Variants in NCAM2 observed in about 807,000 individuals in gnomAD.
NCAM2 encodes the protein N-CAM-2.
Under a neutral mutation model 98.1 loss-of-function variants are expected in NCAM2, and 30 were observed. That is an observed-to-expected ratio of 0.31 (90% CI 0.23 to 0.41). The LOEUF is 0.41. Among genes scored for constraint, NCAM2 ranks in the 10% least tolerant of loss-of-function variants. NCAM2 has a pLI of 1.00. For synonymous variants in NCAM2, 368 were observed against 342.4 expected (o/e 1.07, Z -0.83); for missense variants, 867 against 1,005.8 (o/e 0.86, Z 1.87).
At chr21:21,119,892 ACT>A in intron 1 of NCAM2, among the ~76,000 whole-genome samples, 1 of 152,078 alleles carries the variant, frequency 6.6e-6, no homozygotes, top group East Asian at 1.9e-4. Context: ...GTTTAAATAA[ACT>A]CTATTGTTTG....
rs575912836 is a variant in NCAM2, at chr21:21,185,562, A to G, written c.56-95016A>G. Among the ~76,000 whole-genome samples the G allele has an allele frequency of 4.1e-4, 62 of 152,304 alleles. No homozygotes were observed. In the South Asian group the frequency reaches 0.013, roughly 32 times the overall value. The stretch of plus-strand genomic sequence containing the variant: ...ATTTATTATTTGCTTTTCACTTTCA[A>G]AGTCAGCCATACGATCACTTTGAGA... On this transcript the variant is annotated intron_variant, in intron 1 of 17. Transcript: ENST00000400546.
chr21:21,285,707 G>A (rs1205639146), intron 3 of NCAM2, among the ~76,000 whole-genome samples: 3 of 151,774 alleles, frequency 2.0e-5, no homozygotes, highest in Non-Finnish European at 4.4e-5. Context: ...ACACTTATTA[G>A]GTGTGTATCC....
chr21:21,235,140 TA>T (rs1026576879), intron 1 of NCAM2, among the ~76,000 whole-genome samples: 1 of 151,992 alleles, frequency 6.6e-6, no homozygotes, highest in South Asian at 2.1e-4. Context: ...GTTAAAACAT[TA>T]AAAAAAGTGG....
chr21:21,441,728 C>T (rs1405174076), intron 12 of NCAM2, among the ~76,000 whole-genome samples: 2 of 151,276 alleles, frequency 1.3e-5, no homozygotes, highest in East Asian at 2.0e-4. Context: ...GAAAGATGAA[C>T]GTGGTATCCT....
chr21:21,501,890 T>C (rs1987659870), intron 15 of NCAM2, among the ~76,000 whole-genome samples: 1 of 151,938 alleles, frequency 6.6e-6, no homozygotes, highest in South Asian at 2.1e-4. Flanking sequence ...GCCATTCAAA[T>C]CCAAATCAGC....
intron 1 of NCAM2, among the ~76,000 whole-genome samples, chr21:21,082,531 T>C (rs1352029503): frequency 1.3e-5 from 2 of 152,198 alleles, no homozygotes; most frequent in Non-Finnish European, 2.9e-5. Flanking sequence ...TAAAGTCTTC[T>C]GTAAAAGTTA....
At chr21:21,170,101 C>A (rs1187197824) in intron 1 of NCAM2, among the ~76,000 whole-genome samples, 1 of 152,150 alleles carries the variant, frequency 6.6e-6, no homozygotes, top group Non-Finnish European at 1.5e-5. Flanking sequence ...CACTTGACAA[C>A]AAAAAGTGCT....
rs1020296473 is a variant in NCAM2, at chr21:21,537,990, G to A, written c.*33G>A. On this transcript the variant is annotated 3_prime_UTR_variant, in exon 18 of 18. Transcript: ENST00000400546. Reference sequence around the variant, plus strand: ...ATTACAGGGGCTTGAACAACACTACGAAGAGTATTTGGATTGCGTGACCCT... The same window carrying A: ...ATTACAGGGGCTTGAACAACACTACAAAGAGTATTTGGATTGCGTGACCCT... 6 of 1,286,860 alleles carry A rather than the reference G, an allele frequency of 4.7e-6. No individual in the cohort carries two copies. Among genetic ancestry groups the A allele is most frequent in the African/African-American group, 1.5e-5 (1 of 64,964 alleles). 79.7% of individuals were successfully genotyped at this position (1,286,860 alleles called of 1,614,324 possible). A position where few individuals can be genotyped will look rare whatever the true frequency, so the allele number is the denominator to read the frequency against.
At chr21:21,534,758 AAG>A (rs2146429519) in intron 17 of NCAM2, 102 bp downstream of exon 17, 2 of 1,115,772 alleles carry the variant, frequency 1.8e-6, no homozygotes, top group Non-Finnish European at 1.2e-6. Context: ...TTATTTGTAA[AAG>A]AATTGTGCTT....
chr21:21,029,928 C>T (rs781750921), intron 1 of NCAM2, among the ~76,000 whole-genome samples: 8 of 152,132 alleles, frequency 5.3e-5, no homozygotes, highest in Non-Finnish European at 1.0e-4. Flanking sequence ...CACAGCCAGC[C>T]ACAGTTATTG....
chr21:21,087,874 T>C (rs1440860982), intron 1 of NCAM2, among the ~76,000 whole-genome samples: 1 of 152,156 alleles, frequency 6.6e-6, no homozygotes, highest in Non-Finnish European at 1.5e-5. Flanking sequence ...GTATGATCAA[T>C]TGCTGTGTGA....
At chr21:21,018,465 G>A (rs2064363585) in intron 1 of NCAM2, among the ~76,000 whole-genome samples, 1 of 152,190 alleles carries the variant, frequency 6.6e-6, no homozygotes, top group Non-Finnish European at 1.5e-5. Flanking sequence ...ACATTGGACT[G>A]CACAACTGAA....
chr21:21,397,717 C>T (rs2076542179), intron 9 of NCAM2, among the ~76,000 whole-genome samples: 1 of 152,190 alleles, frequency 6.6e-6, no homozygotes, highest in African/African-American at 2.4e-5. Flanking sequence ...GGGCTCCCAC[C>T]CCACCTACTC....
chr21:21,268,889 G>A (rs370944178), intron 1 of NCAM2, among the ~76,000 whole-genome samples: 2 of 152,112 alleles, frequency 1.3e-5, no homozygotes, highest in South Asian at 2.1e-4. Flanking sequence ...TACAGTCTAA[G>A]CACAGGTGCA....
chr21:21,200,021 T>C (rs1488921455), intron 1 of NCAM2, among the ~76,000 whole-genome samples: 1 of 152,140 alleles, frequency 6.6e-6, no homozygotes, highest in Non-Finnish European at 1.5e-5. Flanking sequence ...CCATGAAGAC[T>C]GCCCCCGAAT....
chr21:21,076,800 A>G (rs1297872324), intron 1 of NCAM2, among the ~76,000 whole-genome samples: 2 of 152,148 alleles, frequency 1.3e-5, no homozygotes, highest in Non-Finnish European at 2.9e-5. Flanking sequence ...GTCTTGGAGC[A>G]AAATGGGAAG....
At chr21:21,091,475 T>C (rs909392918) in intron 1 of NCAM2, among the ~76,000 whole-genome samples, 30 of 152,234 alleles carry the variant, frequency 2.0e-4, no homozygotes, top group African/African-American at 7.0e-4. Flanking sequence ...AATACATATG[T>C]ATTAGTATGT....
intron 15 of NCAM2, among the ~76,000 whole-genome samples, chr21:21,483,912 AT>A (rs1176257043): frequency 2.0e-5 from 3 of 152,222 alleles, no homozygotes; most frequent in African/African-American, 7.2e-5. Flanking sequence ...TGAATATGCA[AT>A]TTTCACTTAT....
At chr21:21,177,066 A>G (rs1195760888) in intron 1 of NCAM2, among the ~76,000 whole-genome samples, 1 of 152,100 alleles carries the variant, frequency 6.6e-6, no homozygotes, top group Non-Finnish European at 1.5e-5. Context: ...TGTAAAGGCA[A>G]TTTCAGCCAC....
Sources: allele counts gnomAD v4.1 joint callset (sites outside exome capture counted in the v4.1 genomes callset), GRCh38; gene constraint gnomAD v4.1.1; transcripts MANE v1.5; gene names NCBI Gene and HGNC (gene_info 2026-07-23, HGNC 2026-07-21).